ENKUR: variants seen among roughly 807,000 people sequenced by gnomAD.
ENKUR encodes the protein enkurin, TRPC channel interacting protein.
In ENKUR, 19 loss-of-function variants were observed where a neutral mutation model predicts 27.6. The ratio of observed to expected loss-of-function variants is 0.69; its 90% CI spans 0.48 to 1.01. The LOEUF (loss-of-function observed/expected upper bound fraction) is 1.01, where lower values mean the gene tolerates loss of function less well. ENKUR is among the 50% of genes least tolerant of loss of function. The pLI is 0.00. For missense variants in ENKUR, 312 were observed against 310.5 expected (o/e 1.00, Z -0.04); for synonymous variants, 117 against 96.9 (o/e 1.21, Z -1.22).
At chr10:25,005,494 A>T (rs961400627) in intron 1 of ENKUR, among the ~76,000 whole-genome samples, 1 of 152,210 alleles carries the variant, frequency 6.6e-6, no homozygotes, top group South Asian at 2.1e-4. Flanking sequence ...CAAAATAGGC[A>T]TCAAGGATTA....
At chr10:24,991,112 A>G (rs79754371) in intron 3 of ENKUR, among the ~76,000 whole-genome samples, 2,558 of 152,170 alleles carry the variant, frequency 0.017, 79 homozygotes, top group African/African-American at 0.059. Context: ...ACATAAATAA[A>G]TGGAGTTGTT....
At chr10:25,043,882 T>C (rs765817539) in intron 2 of ENKUR, among the ~76,000 whole-genome samples, 3 of 142,868 alleles carry the variant, frequency 2.1e-5, no homozygotes, top group Non-Finnish European at 4.5e-5. Flanking sequence ...GAAATTTTAA[T>C]TTCAGATATT....
At position 25,002,296 on chromosome 10, in the gene ENKUR, G is replaced by A. The variant is rs561883845; in HGVS notation, c.78-2750C>T. 2.6e-5 allele frequency among the ~76,000 whole-genome samples: 4 copies of A among 152,226 alleles called. No individual in the cohort carries two copies. In the South Asian group the frequency reaches 6.2e-4, roughly 24 times the overall value. On this transcript the variant is annotated intron_variant, in intron 1 of 5. Coordinates refer to ENST00000331161, the MANE Select transcript of ENKUR (RefSeq NM_145010.4). ...ATGTGCTATCAACCAAAGACTTTAG[G>A]GAACTCCTTGTTCATATTTCCACAG...
intron 3 of ENKUR, among the ~76,000 whole-genome samples, chr10:24,991,404 C>T (rs549521116): frequency 6.6e-6 from 1 of 151,812 alleles, no homozygotes; most frequent in Non-Finnish European, 1.5e-5. Context: ...GCCTATAAAA[C>T]CCCCCGAGAC....
intron 2 of ENKUR, chr10:25,024,085 T>A: frequency 6.2e-7 from 1 of 1,614,172 alleles, no homozygotes. Flanking sequence ...AGGAGCAACC[T>A]ACGTAGAAAG....
At position 24,990,588 on chromosome 10, in the gene ENKUR, A is replaced by G. The variant is rs777986119; in HGVS notation, c.469T>C (p.Tyr157His). The G allele has an allele frequency of 6.2e-7, 1 of 1,607,592 alleles. No individual in the cohort carries two copies. The highest frequency in any genetic ancestry group is 8.5e-7 in the Non-Finnish European group (1 of 1,178,648). Residue 157 changes from tyrosine (Y) to histidine (H), a missense_variant, in exon 4 of 6, where the codon TAC (tyrosine) becomes CAC (histidine). Coordinates refer to ENST00000331161, the MANE Select transcript of ENKUR (RefSeq NM_145010.4). ...NKKDYGVTPEYICKRNEEIKK... is the reference protein window; with the variant it reads ...NKKDYGVTPEHICKRNEEIKK... ...ATTTCCTCGTTTCGCTTACATATGT[A>G]TTCAGGTGTGACACCATAATCCTAA... is the stretch of plus-strand genomic sequence containing the variant.
intron 2 of ENKUR, among the ~76,000 whole-genome samples, chr10:25,030,838 G>C (rs1019608738): frequency 6.6e-6 from 1 of 152,116 alleles, no homozygotes; most frequent in African/African-American, 2.4e-5. Flanking sequence ...ATAGTGCTTG[G>C]CCAGGTGAGG....
At chr10:25,008,932 AATG>A (rs1850376917) in intron 1 of ENKUR, among the ~76,000 whole-genome samples, 1 of 152,210 alleles carries the variant, frequency 6.6e-6, no homozygotes, top group African/African-American at 2.4e-5. Flanking sequence ...AGCCATAAAA[AATG>A]ATGAGTTCAT....
chr10:24,990,033 A>C (rs976267093), intron 4 of ENKUR, among the ~76,000 whole-genome samples: 9 of 152,226 alleles, frequency 5.9e-5, no homozygotes, highest in African/African-American at 2.2e-4. Context: ...TTTGCCTTAT[A>C]GGAAAGGAAA....
In ENKUR at chr10:24,984,329, G is replaced by C; in HGVS notation, c.*41C>G. ...AAGAAGGCACGTGTTACTATTTCCA[G>C]TTCAAAATACTTAACAGTTTTCAAA... On this transcript the variant is annotated 3_prime_UTR_variant, in exon 6 of 6. Coordinates refer to ENST00000331161, the MANE Select transcript of ENKUR (RefSeq NM_145010.4). The C allele has an allele frequency of 6.5e-7, 1 of 1,547,930 alleles. No individual in the cohort carries two copies. The highest frequency in any genetic ancestry group is 8.7e-7 in the Non-Finnish European group (1 of 1,143,956).
intron 2 of ENKUR, among the ~76,000 whole-genome samples, chr10:25,056,855 G>C (rs1046179134): frequency 1.3e-5 from 2 of 152,134 alleles, no homozygotes; most frequent in African/African-American, 2.4e-5. Flanking sequence ...CTAGGACCTG[G>C]TCTAAATGAG....
intron 2 of ENKUR, among the ~76,000 whole-genome samples, chr10:25,049,833 G>T (rs1034699637): frequency 2.7e-4 from 39 of 143,050 alleles, no homozygotes; most frequent in African/African-American, 9.4e-4. Flanking sequence ...AAAAAAAAAA[G>T]AGTTAAGAGT....
At chr10:25,046,349 G>A (rs556670764) in intron 2 of ENKUR, among the ~76,000 whole-genome samples, 5 of 152,296 alleles carry the variant, frequency 3.3e-5, no homozygotes, top group South Asian at 4.1e-4. Context: ...TTTGATGAAC[G>A]CATTATGTCA....
upstream of ENKUR, among the ~76,000 whole-genome samples, chr10:25,020,110 C>T (rs950884194): frequency 6.6e-6 from 1 of 151,966 alleles, no homozygotes. Context: ...TAGAATATAT[C>T]TTTATTGTTC....
At chr10:25,027,939 A>C (rs568069099) in intron 2 of ENKUR, among the ~76,000 whole-genome samples, 2 of 152,320 alleles carry the variant, frequency 1.3e-5, no homozygotes, top group East Asian at 3.9e-4. Context: ...TACAAGCAAA[A>C]GAGTTATTGC....
rs76752034 is a variant in ENKUR at position 25,053,852 on chromosome 10, T to A, written c.37+7260A>T. Among the ~76,000 whole-genome samples the A allele has an allele frequency of 3.7e-4, 56 of 152,244 alleles. No individual in the cohort carries two copies. In the East Asian group the frequency reaches 6.4e-3, roughly 17 times the overall value. On this transcript the variant is annotated intron_variant, in intron 2 of 5. Transcript: ENST00000615958. ...CATGAAAAGGCATAAAAATATTTTT[T>A]AAAAAATACTCATGCACCTACCACC...
In ENKUR at chr10:25,032,804, C is replaced by T. The variant is rs997806283; in HGVS notation, c.37+28308G>A. ...TTGTCAGCTTATGACTTTCCTTTTT[C>T]ATGGATTTACTGCCATTTTAGTGGT... On this transcript the variant is annotated intron_variant, in intron 2 of 5. Coordinates refer to the ENKUR transcript ENST00000615958. Among the ~76,000 whole-genome samples, 4 of 152,258 alleles carry T rather than the reference C, an allele frequency of 2.6e-5. No homozygotes were observed. The East Asian group carries it at 7.7e-4, about 29-fold the overall frequency.
chr10:25,026,958 A>C (rs4748998), intron 2 of ENKUR, among the ~76,000 whole-genome samples: 38,459 of 152,020 alleles, frequency 0.25, 5,720 homozygotes, highest in East Asian at 0.5. Context: ...ATTCAAAGTT[A>C]CGTTTGTTCA....
At chr10:24,999,878 C>A (rs1850149367) in intron 1 of ENKUR, among the ~76,000 whole-genome samples, 1 of 152,118 alleles carries the variant, frequency 6.6e-6, no homozygotes, top group South Asian at 2.1e-4. Context: ...ATCAGTCTGG[C>A]TAGGGGTCTA....
Sources: gnomAD v4.1 joint callset for allele counts (sites outside exome capture counted in the v4.1 genomes callset) on GRCh38, gnomAD v4.1.1 for gene constraint, MANE v1.5 for transcripts, NCBI Gene and HGNC (gene_info 2026-07-23, HGNC 2026-07-21) for gene names.